FZD3: variants seen among roughly 807,000 people sequenced by gnomAD.
FZD3 encodes the protein frizzled-3.
Under a neutral mutation model 60.7 loss-of-function variants are expected in FZD3, and 30 were observed. The ratio of observed to expected loss-of-function variants is 0.49; its 90% CI spans 0.37 to 0.67. The LOEUF is 0.67. Among genes scored for constraint, FZD3 ranks in the 30% least tolerant of loss-of-function variants. FZD3 has a pLI of 0.00. For synonymous variants in FZD3, 246 were observed against 275.2 expected (o/e 0.89, Z 1.05); for missense variants, 605 against 838.7 (o/e 0.72, Z 3.44).
Position 28,574,228 on chromosome 8 carries a change from T to G in FZD3, c.*11217T>G, listed in dbSNP as rs1352881839. The G allele has an allele frequency of 6.6e-6, 1 of 152,210 alleles. No homozygotes were observed. Among genetic ancestry groups the G allele is most frequent in the Non-Finnish European group, 1.5e-5 (1 of 68,028 alleles). 9.4% of individuals were successfully genotyped at this position (152,210 alleles called of 1,614,324 possible). On this transcript the variant is annotated 3_prime_UTR_variant, in exon 8 of 8. Coordinates refer to ENST00000240093, the MANE Select transcript of FZD3 (RefSeq NM_017412.4). ...GTGGTTGTATATTTTGGTTATAAAT[T>G]GGAGATTTTTAATAAAATTAAATAA...
chr8:28,517,090 C>T (rs997681981), intron 3 of FZD3, among the ~76,000 whole-genome samples: 2 of 152,144 alleles, frequency 1.3e-5, no homozygotes, highest in African/African-American at 2.4e-5. Flanking sequence ...CATCTTAGAT[C>T]ATTTCCCTTC....
chr8:28,539,905 C>T (rs1805118411), intron 5 of FZD3, among the ~76,000 whole-genome samples: 1 of 151,790 alleles, frequency 6.6e-6, no homozygotes, highest in African/African-American at 2.4e-5. Context: ...TCACCCTTAG[C>T]ATGAGTAGTT....
intron 4 of FZD3, among the ~76,000 whole-genome samples, chr8:28,521,791 G>T (rs553905050): frequency 1.3e-5 from 2 of 152,224 alleles, no homozygotes; most frequent in South Asian, 2.1e-4. Flanking sequence ...CCGTGTAGTG[G>T]TCAATTGTGT....
chr8:28,512,434 C>T (rs1358308239), intron 3 of FZD3, among the ~76,000 whole-genome samples: 1 of 151,496 alleles, frequency 6.6e-6, no homozygotes, highest in African/African-American at 2.4e-5. Context: ...GGAATTTTCA[C>T]CAGGACCAAC....
chr8:28,548,870 T>C (rs1280947535), intron 5 of FZD3, among the ~76,000 whole-genome samples: 1 of 152,188 alleles, frequency 6.6e-6, no homozygotes, highest in Non-Finnish European at 1.5e-5. Context: ...ATGTTTGAAG[T>C]GGGGTGTGTT....
chr8:28,508,534 T>C (rs1056371805), intron 3 of FZD3, among the ~76,000 whole-genome samples: 8 of 151,888 alleles, frequency 5.3e-5, no homozygotes, highest in Non-Finnish European at 7.4e-5. Flanking sequence ...AGGGCCTGGC[T>C]TTGTCACCCA....
At chr8:28,562,127 C>T (rs1183512986) in intron 7 of FZD3, among the ~76,000 whole-genome samples, 1 of 152,134 alleles carries the variant, frequency 6.6e-6, no homozygotes, top group East Asian at 1.9e-4. Flanking sequence ...ATATAGGTTA[C>T]AGAGTGTTAG....
chr8:28,534,316 C>T (rs1416027288), intron 5 of FZD3, among the ~76,000 whole-genome samples: 1 of 152,184 alleles, frequency 6.6e-6, no homozygotes, highest in Non-Finnish European at 1.5e-5. Context: ...ACCATCACCT[C>T]CATCCATTTC....
At chr8:28,498,674 T>A (rs1803910400) in intron 1 of FZD3, among the ~76,000 whole-genome samples, 1 of 152,196 alleles carries the variant, frequency 6.6e-6, no homozygotes, top group Non-Finnish European at 1.5e-5. Context: ...ACCTCTCATG[T>A]TGAAGCAATT....
intron 3 of FZD3, 128 bp downstream of exon 3, chr8:28,503,330 A>G: frequency 1.9e-6 from 1 of 522,698 alleles, no homozygotes; most frequent in East Asian, 3.1e-5. Flanking sequence ...TATCTTATAA[A>G]TTTAAAAATG....
Position 28,537,339 on chromosome 8 carries a change from G to C in FZD3, c.1404+9175G>C, listed in dbSNP as rs142430508. Among the ~76,000 whole-genome samples, 65 of 152,322 alleles carry C rather than the reference G, an allele frequency of 4.3e-4. No homozygotes were observed. The East Asian group carries it at 0.012, about 28-fold the overall frequency. ...TGTTAAACAGAATAACCTAAGTTGT[G>C]TGTTCAGTTTAAGTCTCCACTGCAG... On this transcript the variant is annotated intron_variant, in intron 5 of 7. Transcript: ENST00000240093.
chr8:28,530,823 A>C (rs945262653), intron 5 of FZD3, among the ~76,000 whole-genome samples: 4 of 152,282 alleles, frequency 2.6e-5, no homozygotes, highest in African/African-American at 9.6e-5. Context: ...TACCCAGTAC[A>C]TAAACTATAT....
At chr8:28,554,405 A>G (rs1246007448) in intron 6 of FZD3, among the ~76,000 whole-genome samples, 2 of 151,996 alleles carry the variant, frequency 1.3e-5, no homozygotes, top group Non-Finnish European at 2.9e-5. Context: ...TATTTTTTTT[A>G]CTATTTTTGG....
rs1177570419 is a variant in FZD3, at chr8:28,570,917, A to G, written c.*7906A>G. ...TTTAGCTACATTTATTCCTTGTCTTATGTCATTTCACTGGATCATGTAACT... is the reference window on the plus strand; with the variant it reads ...TTTAGCTACATTTATTCCTTGTCTTGTGTCATTTCACTGGATCATGTAACT... On this transcript the variant is annotated 3_prime_UTR_variant, in exon 8 of 8. Transcript: ENST00000240093. 6.6e-6 allele frequency: 1 copy of G among 151,028 alleles called. No homozygotes were observed. The highest frequency in any genetic ancestry group is 1.5e-5 in the Non-Finnish European group (1 of 67,910). 9.4% of individuals were successfully genotyped at this position (151,028 alleles called of 1,614,324 possible).
chr8:28,531,207 G>A (rs1804865761), intron 5 of FZD3, among the ~76,000 whole-genome samples: 1 of 106,116 alleles, frequency 9.4e-6, no homozygotes, highest in Non-Finnish European at 2.2e-5. Flanking sequence ...TTTTTATACT[G>A]TCGCTGAGTG....
intron 6 of FZD3, among the ~76,000 whole-genome samples, chr8:28,553,924 A>G (rs1805457733): frequency 6.6e-6 from 1 of 152,238 alleles, no homozygotes; most frequent in African/African-American, 2.4e-5. Flanking sequence ...CATGTGATGG[A>G]GGACATCATT....
intron 3 of FZD3, among the ~76,000 whole-genome samples, chr8:28,517,703 A>G (rs989463527): frequency 3.3e-5 from 5 of 152,032 alleles, no homozygotes; most frequent in Non-Finnish European, 7.4e-5. Context: ...TAGCTCTAAT[A>G]AGTTCTTAAT....
At chr8:28,508,283 G>A (rs73557291) in intron 3 of FZD3, among the ~76,000 whole-genome samples, 3,240 of 152,008 alleles carry the variant, frequency 0.021, 106 homozygotes, top group African/African-American at 0.074. Flanking sequence ...AAAATTCCGC[G>A]TCAAACTCTG....
chr8:28,507,411 G>T (rs890911182), intron 3 of FZD3, among the ~76,000 whole-genome samples: 2 of 152,064 alleles, frequency 1.3e-5, no homozygotes, highest in African/African-American at 2.4e-5. Context: ...GTTTTTTATT[G>T]TTGTTTTGGA....
Sources: gnomAD v4.1 joint callset for allele counts (sites outside exome capture counted in the v4.1 genomes callset) on GRCh38, gnomAD v4.1.1 for gene constraint, MANE v1.5 for transcripts, NCBI Gene and HGNC (gene_info 2026-07-23, HGNC 2026-07-21) for gene names.